Variants in TXNRD1 observed in about 807,000 individuals in gnomAD.
TXNRD1 encodes thioredoxin reductase 1, also known as thioredoxin reductase 1, cytoplasmic.
Under a neutral mutation model 80.3 loss-of-function variants are expected in TXNRD1, and 57 were observed. The ratio of observed to expected loss-of-function variants is 0.71; its 90% confidence interval spans 0.57 to 0.89. TXNRD1 has a LOEUF of 0.89. Ranked by LOEUF, TXNRD1 falls within the 40% of genes least tolerant of loss-of-function variation. The pLI, the probability that TXNRD1 is intolerant of heterozygous loss-of-function variation, is 0.00. For synonymous variants in TXNRD1, 291 were observed against 285.2 expected, an observed-to-expected ratio of 1.02 and a Z score of -0.20; for missense variants, 730 against 803.0, an observed-to-expected ratio of 0.91 and a Z score of 1.10.
Position 104,315,874 on chromosome 12 carries a change from T to C in TXNRD1, c.708T>C (p.Tyr236=). ...AAGCCCTGCAAGACTCTCGAAATTA[T>C]GGATGGAAAGTCGAGGAGACAGGTA... ...LGQALQDSRN[Y]GWKVEETVKH... Residue 236 remains tyrosine (Y), a synonymous_variant, in exon 7 of 17, where the codon TAT becomes TAC. Transcript: ENST00000525566. The C allele has an allele frequency of 6.2e-7, 1 of 1,611,524 alleles. No individual in the cohort carries two copies. Among genetic ancestry groups the C allele is most frequent in the Non-Finnish European group, 8.5e-7 (1 of 1,178,292 alleles).
intron 1 of TXNRD1, among the ~76,000 whole-genome samples, chr12:104,228,994 C>T (rs948180465): frequency 6.6e-6 from 1 of 152,042 alleles, no homozygotes; most frequent in Non-Finnish European, 1.5e-5. Context: ...AGTGGGATTA[C>T]AGGCGTGAGC....
At chr12:104,251,976 A>G (rs540811415) in intron 2 of TXNRD1, among the ~76,000 whole-genome samples, 12 of 151,462 alleles carry the variant, frequency 7.9e-5, no homozygotes, top group Non-Finnish European at 1.6e-4. Flanking sequence ...AGACAGGAGA[A>G]TCACTTGAAC....
intron 1 of TXNRD1, among the ~76,000 whole-genome samples, chr12:104,246,565 C>G (rs994977046): frequency 6.8e-6 from 1 of 147,658 alleles, no homozygotes; most frequent in African/African-American, 2.5e-5. Flanking sequence ...GCTCTGTCAC[C>G]AGGCTGGAGT....
At chr12:104,247,254 G>C (rs1446623917) in intron 1 of TXNRD1, among the ~76,000 whole-genome samples, 1 of 151,984 alleles carries the variant, frequency 6.6e-6, no homozygotes, top group Admixed American at 6.6e-5. Context: ...TTTTCATTGT[G>C]ACAGGGTTTC....
At chr12:104,223,802 G>A (rs2032409190) in intron 1 of TXNRD1, among the ~76,000 whole-genome samples, 1 of 152,198 alleles carries the variant, frequency 6.6e-6, no homozygotes, top group Non-Finnish European at 1.5e-5. Flanking sequence ...AGCATGAACT[G>A]CTGCATCTGG....
intron 3 of TXNRD1, among the ~76,000 whole-genome samples, chr12:104,266,030 ATTTCT>A (rs1014079673): frequency 1.3e-5 from 2 of 151,566 alleles, no homozygotes; most frequent in African/African-American, 4.8e-5. Flanking sequence ...GTAAAAACAG[ATTTCT>A]TTATCTTAAT....
chr12:104,276,437 A>G (rs911161796), intron 3 of TXNRD1, among the ~76,000 whole-genome samples: 1 of 152,216 alleles, frequency 6.6e-6, no homozygotes, highest in Non-Finnish European at 1.5e-5. Flanking sequence ...CTTGTTAAAC[A>G]TCAAGGAATT....
intron 1 of TXNRD1, among the ~76,000 whole-genome samples, chr12:104,237,495 A>G (rs2032764375): frequency 3.9e-5 from 6 of 152,176 alleles, no homozygotes; most frequent in Admixed American, 3.9e-4. Context: ...GGCACCGTTA[A>G]TTTTAGGGAT....
At chr12:104,238,352 T>C (rs1168455742) in intron 1 of TXNRD1, among the ~76,000 whole-genome samples, 1 of 152,260 alleles carries the variant, frequency 6.6e-6, no homozygotes, top group Admixed American at 6.5e-5. Flanking sequence ...AGAACTGACA[T>C]GTTCACAAAT....
intron 1 of TXNRD1, among the ~76,000 whole-genome samples, chr12:104,233,753 C>T (rs2032675264): frequency 6.6e-6 from 1 of 152,076 alleles, no homozygotes; most frequent in South Asian, 2.1e-4. Context: ...AACTCCTGAC[C>T]TCAGGTGATC....
intron 15 of TXNRD1, among the ~76,000 whole-genome samples, chr12:104,337,128 CTT>C (rs1208309929): frequency 2.0e-5 from 3 of 151,986 alleles, no homozygotes; most frequent in East Asian, 1.9e-4. Context: ...TTAATAATCT[CTT>C]GTTTTTTGAG....
chr12:104,254,644 A>ATATATATATATATATATATATATATAT (rs1555207848), intron 2 of TXNRD1, among the ~76,000 whole-genome samples: 11 of 93,628 alleles, frequency 1.2e-4, no homozygotes, highest in African/African-American at 1.5e-4. Context: ...AAAAAAAAAA[A>ATATATATATATATATATATATATATAT]ATATATATAT....
intron 3 of TXNRD1, among the ~76,000 whole-genome samples, chr12:104,273,810 C>T (rs1242088125): frequency 6.6e-6 from 1 of 152,162 alleles, no homozygotes; most frequent in Non-Finnish European, 1.5e-5. Flanking sequence ...AGCTGGCTTT[C>T]TCAAAAACAA....
intron 4 of TXNRD1, among the ~76,000 whole-genome samples, chr12:104,292,372 G>A (rs1046464234): frequency 5.3e-5 from 8 of 150,734 alleles, no homozygotes; most frequent in African/African-American, 1.9e-4. Context: ...GAAAGAGCTA[G>A]GAATCTACCC....
intron 2 of TXNRD1, among the ~76,000 whole-genome samples, chr12:104,252,688 A>ATTTT (rs2033150977): frequency 6.1e-5 from 4 of 65,740 alleles, no homozygotes; most frequent in African/African-American, 1.9e-4. Flanking sequence ...ATATATATAT[A>ATTTT]TATTTTTTTT....
intron 3 of TXNRD1, among the ~76,000 whole-genome samples, chr12:104,282,605 C>T (rs1044207098): frequency 2.3e-5 from 3 of 130,288 alleles, no homozygotes; most frequent in Non-Finnish European, 3.3e-5. Context: ...ACAAAGAACT[C>T]TTTCAGAAAA....
intron 15 of TXNRD1, among the ~76,000 whole-genome samples, chr12:104,335,362 C>G (rs753048199): frequency 5.3e-5 from 8 of 151,992 alleles, no homozygotes; most frequent in Non-Finnish European, 8.8e-5. Context: ...CCACCATGCC[C>G]AGCTATTCTG....
At chr12:104,315,425 A>G (rs1279056190) in intron 6 of TXNRD1, among the ~76,000 whole-genome samples, 1 of 152,236 alleles carries the variant, frequency 6.6e-6, no homozygotes, top group African/African-American at 2.4e-5. Flanking sequence ...GTATCAACAT[A>G]AAGAGAAAAA....
chr12:104,305,021 C>G (rs1354413100), intron 4 of TXNRD1: 1 of 1,348,948 alleles, frequency 7.4e-7, no homozygotes, highest in Non-Finnish European at 1.0e-6. Flanking sequence ...CATATTGTAT[C>G]TCTTGTAAAG....
Sources: gnomAD v4.1 joint callset for allele counts (sites outside exome capture counted in the v4.1 genomes callset) on GRCh38, gnomAD v4.1.1 for gene constraint, MANE v1.5 for transcripts, NCBI Gene and HGNC (gene_info 2026-07-23, HGNC 2026-07-21) for gene names.